The following ZNF385D variants were observed in gnomAD, a reference collection of about 807,000 sequenced individuals.
ZNF385D encodes the protein zinc finger protein 659.
In ZNF385D, 15 loss-of-function variants were observed where a neutral mutation model predicts 35.8. The observed-to-expected ratio is 0.42, with a 90% CI of 0.28 to 0.64. The LOEUF (loss-of-function observed/expected upper bound fraction) is 0.64. ZNF385D is among the 30% of genes least tolerant of loss of function. The pLI is 0.23. For missense variants in ZNF385D, 474 were observed against 494.6 expected, an observed-to-expected ratio of 0.96 and a Z score of 0.39; for synonymous variants, 212 against 186.8, an observed-to-expected ratio of 1.13 and a Z score of -1.10.
At chr3:21,740,522 C>A (rs2069461647) in intron 1 of ZNF385D, among the ~76,000 whole-genome samples, 1 of 152,158 alleles carries the variant, frequency 6.6e-6, no homozygotes, top group Non-Finnish European at 1.5e-5. Flanking sequence ...TGGGTACCAG[C>A]TCTATAAAGG....
chr3:21,710,081 T>C lies in ZNF385D; in HGVS notation c.22+40814A>G, dbSNP rs2068043950. Among the ~76,000 whole-genome samples the C allele has an allele frequency of 2.6e-5, 4 of 152,296 alleles. No individual in the cohort carries two copies. In the South Asian group the frequency reaches 8.3e-4, roughly 32 times the overall value. On this transcript the variant is annotated intron_variant, in intron 1 of 7. Transcript: ENST00000281523. ...TCATGGCTTCAATTACACGACCTTTTAGAAAAGGTAAAACTACAGAAACAG... is the reference window on the plus strand; with the variant it reads ...TCATGGCTTCAATTACACGACCTTTCAGAAAAGGTAAAACTACAGAAACAG...
In ZNF385D at chr3:21,923,997, A is replaced by G. The variant is rs550170630; in HGVS notation, c.325+244820T>C. Among the ~76,000 whole-genome samples, 11 of 152,340 alleles carry G rather than the reference A, an allele frequency of 7.2e-5. No individual in the cohort carries two copies. The South Asian group carries it at 2.1e-3, about 29-fold the overall frequency. ...AAAATAAAGTAAAATGTGAATGCTGAAAACTTAAAACAATATATTTATGCC... is the reference window on the plus strand; with the variant it reads ...AAAATAAAGTAAAATGTGAATGCTGGAAACTTAAAACAATATATTTATGCC... On this transcript the variant is annotated intron_variant, in intron 3 of 5. Transcript: ENST00000494108.
rs55872870 is a variant in ZNF385D, at chr3:21,681,298, T to TAAAAAAAAAAAA, written c.23-16282_23-16271dup. On this transcript the variant is annotated intron_variant, in intron 1 of 7. Coordinates refer to ENST00000281523, the MANE Select transcript of ZNF385D (RefSeq NM_024697.3). ...AGCCTATGTGAATATATTCCATCAGTAAAAAAAAAAAAAAAAAAAAAAAAA... is the reference window on the plus strand; with the variant it reads ...AGCCTATGTGAATATATTCCATCAGTAAAAAAAAAAAAAAAAAAAAAAAAAAAAAAAAAAAAA... Among the ~76,000 whole-genome samples the TAAAAAAAAAAAA allele has an allele frequency of 1.9e-4, 12 of 64,474 alleles. 2 individuals carry two copies. Among genetic ancestry groups the TAAAAAAAAAAAA allele is most frequent in the East Asian group, 5.5e-4 (1 of 1,810 alleles). The allele number at this position is 64,474 out of a possible 152,430, so 42.3% of individuals were successfully genotyped here. A position where few individuals can be genotyped will look rare whatever the true frequency, so the allele number is the denominator to read the frequency against.
chr3:21,923,032 G>C (rs1338071718), intron 3 of ZNF385D, among the ~76,000 whole-genome samples: 1 of 107,542 alleles, frequency 9.3e-6, no homozygotes, highest in Non-Finnish European at 2.4e-5. Context: ...ATGAAAAAAT[G>C]CTTCACATTT....
chr3:21,969,111 TAGGG>T (rs1184383867), intron 3 of ZNF385D, among the ~76,000 whole-genome samples: 2 of 152,010 alleles, frequency 1.3e-5, no homozygotes, highest in Admixed American at 1.3e-4. Context: ...GTGGTGGTCA[TAGGG>T]AGAGACTCCT....
At chr3:21,911,999 CCTAAAT>C (rs975299484) in intron 3 of ZNF385D, among the ~76,000 whole-genome samples, 12 of 151,494 alleles carry the variant, frequency 7.9e-5, no homozygotes, top group African/African-American at 2.9e-4. Flanking sequence ...AAAGTAAGGC[CCTAAAT>C]CTGTTAAAAT....
In ZNF385D at chr3:22,029,257, T is replaced by A. The variant is rs1330303933; in HGVS notation, c.325+139560A>T. On this transcript the variant is annotated intron_variant, in intron 3 of 5. Coordinates refer to the ZNF385D transcript ENST00000494108. Reference sequence around the variant, plus strand: ...CTTACTTGCACTATCAAGATGAAATTAATCTATTACTCCAGCATGGAAGTA... The same window carrying A: ...CTTACTTGCACTATCAAGATGAAATAAATCTATTACTCCAGCATGGAAGTA... Among the ~76,000 whole-genome samples the A allele has an allele frequency of 4.7e-4, 72 of 152,272 alleles. 2 individuals carry two copies. In the East Asian group the frequency reaches 0.013, roughly 27 times the overall value.
chr3:22,361,382 A>G (rs945435971), intron 2 of ZNF385D, among the ~76,000 whole-genome samples: 2 of 152,074 alleles, frequency 1.3e-5, no homozygotes, highest in African/African-American at 4.8e-5. Flanking sequence ...TAGCCTAATC[A>G]ATTTAGAAAC....
chr3:22,042,879 A>G (rs956816764), intron 3 of ZNF385D, among the ~76,000 whole-genome samples: 2 of 152,198 alleles, frequency 1.3e-5, no homozygotes, highest in African/African-American at 4.8e-5. Flanking sequence ...AGTAAATTCT[A>G]TATTACACAG....
intron 1 of ZNF385D, among the ~76,000 whole-genome samples, chr3:21,676,767 T>G (rs986585612): frequency 1.3e-5 from 2 of 149,526 alleles, no homozygotes; most frequent in Non-Finnish European, 3.0e-5. Context: ...AGAAACCAGA[T>G]AGGGATGATT....
intron 1 of ZNF385D, among the ~76,000 whole-genome samples, chr3:21,671,259 C>A (rs1310663662): frequency 2.0e-5 from 3 of 152,032 alleles, no homozygotes; most frequent in African/African-American, 4.8e-5. Flanking sequence ...GAATGGCCAG[C>A]CTGCAGGCTG....
chr3:21,450,778 T>C (rs1477311174), intron 4 of ZNF385D, among the ~76,000 whole-genome samples: 1 of 152,198 alleles, frequency 6.6e-6, no homozygotes, highest in Admixed American at 6.5e-5. Flanking sequence ...TGTGCATTTC[T>C]AGCACTGCAA....
intron 4 of ZNF385D, among the ~76,000 whole-genome samples, chr3:21,510,010 A>ATGGTG (rs1707082021): frequency 1.3e-5 from 2 of 152,210 alleles, no homozygotes; most frequent in African/African-American, 4.8e-5. Context: ...TTAAGACACT[A>ATGGTG]TCATTGGTGA....
In ZNF385D at chr3:22,139,149, A is replaced by G. The variant is rs1335646259; in HGVS notation, c.325+29668T>C. Among the ~76,000 whole-genome samples, 7 of 152,190 alleles carry G rather than the reference A, an allele frequency of 4.6e-5. No homozygotes were observed. The East Asian group carries it at 1.2e-3, about 25-fold the overall frequency. ...GGAGAGGATGTGGAGAAATAGGAACACTTTTACACTGTTGGTGGGACTGTA... is the reference window on the plus strand; with the variant it reads ...GGAGAGGATGTGGAGAAATAGGAACGCTTTTACACTGTTGGTGGGACTGTA... On this transcript the variant is annotated intron_variant, in intron 3 of 5. Transcript: ENST00000494108.
chr3:21,732,360 G>A (rs1345113250), intron 1 of ZNF385D, among the ~76,000 whole-genome samples: 2 of 152,014 alleles, frequency 1.3e-5, no homozygotes, highest in African/African-American at 4.8e-5. Flanking sequence ...CCATGTTCAG[G>A]TTTTGGTGTA....
At chr3:21,580,619 G>T (rs2063627807) in intron 2 of ZNF385D, among the ~76,000 whole-genome samples, 1 of 151,660 alleles carries the variant, frequency 6.6e-6, no homozygotes, top group East Asian at 1.9e-4. Context: ...AATGATGTAT[G>T]GAATGGCTTT....
At chr3:21,711,039 G>GGTTTTT (rs2068081805) in intron 1 of ZNF385D, among the ~76,000 whole-genome samples, 1 of 83,154 alleles carries the variant, frequency 1.2e-5, no homozygotes, top group African/African-American at 5.1e-5. Flanking sequence ...CCCTCTAAAA[G>GGTTTTT]TTTTTTTTTT....
At chr3:21,580,781 ATATG>A (rs1294401781) in intron 2 of ZNF385D, among the ~76,000 whole-genome samples, 4 of 149,226 alleles carry the variant, frequency 2.7e-5, no homozygotes, top group Admixed American at 2.0e-4. Flanking sequence ...ATCTGAATAT[ATATG>A]TATGTTTGTG....
chr3:21,792,735 AC>A (rs1326445604), intron 3 of ZNF385D, among the ~76,000 whole-genome samples: 6 of 152,114 alleles, frequency 3.9e-5, no homozygotes, highest in African/African-American at 7.2e-5. Context: ...TCAAAAGAGG[AC>A]CCTTACTCCC....
Sources: gnomAD v4.1 joint callset for allele counts (sites outside exome capture counted in the v4.1 genomes callset) on GRCh38, gnomAD v4.1.1 for gene constraint, MANE v1.5 for transcripts, NCBI Gene and HGNC (gene_info 2026-07-23, HGNC 2026-07-21) for gene names.